The following HDAC4 variants were observed in gnomAD, a reference collection of about 807,000 sequenced individuals.
The protein encoded by HDAC4 is histone deacetylase A.
HDAC4 carries 16 observed loss-of-function variants against 135.1 expected under a neutral mutation model. That is an observed-to-expected ratio of 0.12 (90% confidence interval 0.08 to 0.18). The LOEUF (loss-of-function observed/expected upper bound fraction) is 0.18. Ranked by LOEUF, HDAC4 falls within the 10% of genes least tolerant of loss-of-function variation. The probability of loss-of-function intolerance (pLI) is 1.00; values close to 1 mark genes in which losing one functional copy is unlikely to be tolerated. For missense variants in HDAC4, 1,143 were observed against 1,511.8 expected, an observed-to-expected ratio of 0.76 and a Z score of 4.05; for synonymous variants, 685 against 653.4, an observed-to-expected ratio of 1.05 and a Z score of -0.74.
rs73100790 is a variant in HDAC4 at position 239,314,692 on chromosome 2, T to C, written c.22+37986A>G. 3.9e-3 allele frequency among the ~76,000 whole-genome samples: 600 copies of C among 152,128 alleles called. 4 individuals carry two copies. Among genetic ancestry groups the C allele is most frequent in the African/African-American group, 0.014 (579 of 41,490 alleles). ...AAGAGAGAATTAGTGAACAGTAAAATAGCACGGAAGAAATAAACCAGGATG... is the reference window on the plus strand; with the variant it reads ...AAGAGAGAATTAGTGAACAGTAAAACAGCACGGAAGAAATAAACCAGGATG... On this transcript the variant is annotated intron_variant, in intron 2 of 26. Coordinates refer to ENST00000543185, the MANE Select transcript of HDAC4 (RefSeq NM_001378414.1).
chr2:239,398,621 T>G (rs1214112027), intron 1 of HDAC4, among the ~76,000 whole-genome samples: 3 of 152,206 alleles, frequency 2.0e-5, no homozygotes, highest in Non-Finnish European at 1.5e-5. Flanking sequence ...GCGTGCCAGG[T>G]TGTCCTGTCC....
chr2:239,199,266 C>A (rs583445), intron 3 of HDAC4, among the ~76,000 whole-genome samples: 5 of 151,516 alleles, frequency 3.3e-5, no homozygotes, highest in Admixed American at 3.3e-4. Context: ...GCTTAGACTT[C>A]CCAGCAAGGC....
intron 12 of HDAC4, 113 bp downstream of exon 12, chr2:239,126,343 T>C (rs1467074604): frequency 6.4e-7 from 1 of 1,571,176 alleles, no homozygotes; most frequent in East Asian, 2.2e-5. Context: ...GTTCCCTCTT[T>C]CTGCCTCCTG....
Position 239,088,370 on chromosome 2 carries a change from G to A in HDAC4, c.2389-756C>T, listed in dbSNP as rs3791377. On this transcript the variant is annotated intron_variant, in intron 18 of 26. Coordinates refer to ENST00000543185, the MANE Select transcript of HDAC4 (RefSeq NM_001378414.1). ...TGGACGGGGTGAGCCGGACGCCGCA[G>A]GGACCAGGCTCAGGAAGGGGCGAGG... is the stretch of plus-strand genomic sequence containing the variant. Among the ~76,000 whole-genome samples, 17 of 152,346 alleles carry A rather than the reference G, an allele frequency of 1.1e-4. No homozygotes were observed. The East Asian group carries it at 3.3e-3, about 29-fold the overall frequency.
At chr2:239,272,942 C>T (rs1167616742) in intron 2 of HDAC4, among the ~76,000 whole-genome samples, 1 of 152,136 alleles carries the variant, frequency 6.6e-6, no homozygotes, top group East Asian at 1.9e-4. Context: ...AGAGAGTTGC[C>T]CACGATGAGC....
Position 239,148,859 on chromosome 2 carries a change from T to G in HDAC4, c.734-4145A>C, listed in dbSNP as rs10192336. On this transcript the variant is annotated intron_variant, in intron 7 of 26. Transcript: ENST00000543185. ...GCCTGCTGTGCAGAGGAGGGTCTCC[T>G]AGGTCTGCTGAAATGTGGGCCTGAA... Among the ~76,000 whole-genome samples, 415 of 152,250 alleles carry G rather than the reference T, an allele frequency of 2.7e-3. 1 individual carries two copies. Among genetic ancestry groups the G allele is most frequent in the African/African-American group, 9.0e-3 (373 of 41,542 alleles).
chr2:239,367,497 T>C (rs967440619), intron 1 of HDAC4, among the ~76,000 whole-genome samples: 2 of 152,156 alleles, frequency 1.3e-5, no homozygotes, highest in African/African-American at 4.8e-5. Context: ...AGGTTGAGCA[T>C]CCCTAATCTA....
chr2:239,337,307 C>T (rs932621190), intron 2 of HDAC4, among the ~76,000 whole-genome samples: 1 of 152,196 alleles, frequency 6.6e-6, no homozygotes, highest in African/African-American at 2.4e-5. Context: ...GTTTTGGCTC[C>T]GGGAAGGCAG....
chr2:239,060,774 C>T (rs532927595), intron 24 of HDAC4, among the ~76,000 whole-genome samples: 2 of 152,378 alleles, frequency 1.3e-5, no homozygotes, highest in South Asian at 4.1e-4. Context: ...TTCAGCGTAA[C>T]TCTGTCTGTC....
At chr2:239,175,871 T>A (rs2043729512) in intron 5 of HDAC4, among the ~76,000 whole-genome samples, 2 of 152,200 alleles carry the variant, frequency 1.3e-5, no homozygotes, top group African/African-American at 4.8e-5. Flanking sequence ...TGAATGCCCC[T>A]TGCTTTGATG....
chr2:239,069,483 C>T (rs1318162389), intron 22 of HDAC4, among the ~76,000 whole-genome samples: 1 of 118,780 alleles, frequency 8.4e-6, no homozygotes, highest in Non-Finnish European at 1.8e-5. Context: ...GCAAGCCCCA[C>T]GACACTTGCT....
At chr2:239,184,994 G>A (rs1484545440) in intron 4 of HDAC4, among the ~76,000 whole-genome samples, 5 of 149,370 alleles carry the variant, frequency 3.3e-5, no homozygotes, top group Non-Finnish European at 7.5e-5. Context: ...TATCATGGAG[G>A]GCTATCCCTC....
rs545251627 is a variant in HDAC4, at chr2:239,263,898, A to G, written c.23-27234T>C. Among the ~76,000 whole-genome samples the G allele has an allele frequency of 1.6e-4, 25 of 152,220 alleles. 1 individual carries two copies. Among genetic ancestry groups the G allele is most frequent in the Middle Eastern group, 6.8e-3 (2 of 294 alleles). On this transcript the variant is annotated intron_variant, in intron 2 of 26. Coordinates refer to ENST00000543185, the MANE Select transcript of HDAC4 (RefSeq NM_001378414.1). ...ACGCCACTCTGCCCCTTCTCTGCAG[A>G]GGGGAAGCTCCGTGAAGGCAGAGCC...
chr2:239,269,866 T>C (rs1480300790), intron 2 of HDAC4, among the ~76,000 whole-genome samples: 2 of 152,222 alleles, frequency 1.3e-5, no homozygotes, highest in African/African-American at 4.8e-5. Flanking sequence ...CAATGATGGG[T>C]TTGGTTCTTA....
chr2:239,346,893 CCTGT>C (rs957280641), intron 2 of HDAC4, among the ~76,000 whole-genome samples: 2 of 117,452 alleles, frequency 1.7e-5, no homozygotes, highest in East Asian at 2.3e-4. Context: ...ACACACACAC[CCTGT>C]CTCTCACACA....
chr2:239,094,550 C>CA (rs2036820868), intron 17 of HDAC4: 2 of 1,072,158 alleles, frequency 1.9e-6, no homozygotes, highest in African/African-American at 1.7e-5. Context: ...CAGCACAGCC[C>CA]AGCGAGTAGC....
chr2:239,087,489 C>A, intron 19 of HDAC4, 70 bp downstream of exon 19: 2 of 1,462,868 alleles, frequency 1.4e-6, no homozygotes, highest in Non-Finnish European at 1.9e-6. Context: ...ACTCACACAC[C>A]CACCCAGCCC....
chr2:239,131,089 GC>G (rs1193678912), intron 11 of HDAC4, among the ~76,000 whole-genome samples: 1 of 152,256 alleles, frequency 6.6e-6, no homozygotes, highest in Non-Finnish European at 1.5e-5. Context: ...CGTGCGGAGT[GC>G]CGCACTGGAG....
At chr2:239,374,490 G>T (rs992879709) in intron 1 of HDAC4, among the ~76,000 whole-genome samples, 3 of 131,478 alleles carry the variant, frequency 2.3e-5, no homozygotes, top group Non-Finnish European at 4.7e-5. Context: ...TGCAAGCTCC[G>T]CCTCCCGGGT....
Sources: allele counts gnomAD v4.1 joint callset (sites outside exome capture counted in the v4.1 genomes callset), GRCh38; gene constraint gnomAD v4.1.1; transcripts MANE v1.5; gene names NCBI Gene and HGNC (gene_info 2026-07-23, HGNC 2026-07-21).